PGAP1: variants seen among roughly 807,000 people sequenced by gnomAD.
PGAP1 encodes the protein GPI inositol-deacylase.
Under a neutral mutation model 127.0 loss-of-function variants are expected in PGAP1, and 76 were observed. The ratio of observed to expected loss-of-function variants is 0.60; its 90% CI spans 0.50 to 0.72. PGAP1 has a LOEUF of 0.72. Among genes scored for constraint, PGAP1 ranks in the 30% least tolerant of loss-of-function variants. The pLI is 0.00. For synonymous variants in PGAP1, 362 were observed against 366.5 expected (o/e 0.99, Z 0.14); for missense variants, 982 against 1,071.3 (o/e 0.92, Z 1.16).
chr2:196,926,137 G>C (rs544452201), intron 1 of PGAP1, among the ~76,000 whole-genome samples: 32 of 152,254 alleles, frequency 2.1e-4, no homozygotes, highest in Admixed American at 1.2e-3. Flanking sequence ...TGGGCATGAG[G>C]GGGGCTGGGC....
chr2:196,913,085 G>C (rs752131470), intron 3 of PGAP1, 32 bp from the exon 4 acceptor site: 1 of 1,553,960 alleles, frequency 6.4e-7, no homozygotes, highest in Non-Finnish European at 8.7e-7. Flanking sequence ...TCATAATTGC[G>C]GCTTTGTATC....
rs1020507084 is a variant in PGAP1, at chr2:196,833,729, A to C, written c.*7505T>G. The C allele has an allele frequency of 3.3e-5, 5 of 152,240 alleles. 1 individual carries two copies. Among genetic ancestry groups the C allele is most frequent in the South Asian group, 2.1e-4 (1 of 4,824 alleles). The allele number at this position is 152,240 out of a possible 1,614,324, so 9.4% of individuals were successfully genotyped here. ...GTGTTGAGTTTACTTTCAAAATTGA[A>C]ATTGAAAAATATACAACAACTGTGA... is the stretch of plus-strand genomic sequence containing the variant. On this transcript the variant is annotated 3_prime_UTR_variant, in exon 27 of 27. Transcript: ENST00000354764.
At chr2:196,871,955 G>C (rs953919470) in intron 18 of PGAP1, among the ~76,000 whole-genome samples, 7 of 152,054 alleles carry the variant, frequency 4.6e-5, no homozygotes, top group African/African-American at 1.7e-4. Context: ...AACACAAAGA[G>C]ATGTACTTTG....
intron 10 of PGAP1, among the ~76,000 whole-genome samples, chr2:196,889,970 G>GTCACCCAGGCTGGAGCGC (rs1702045614): frequency 2.7e-5 from 4 of 150,392 alleles, no homozygotes; most frequent in Non-Finnish European, 5.9e-5. Context: ...GCCTCACTTC[G>GTCACCCAGGCTGGAGCGC]TCACCCAGGC....
At chr2:196,873,102 CTAAT>C (rs1701458141) in intron 16 of PGAP1, 76 bp from the exon 17 acceptor site, 2 of 528,722 alleles carry the variant, frequency 3.8e-6, no homozygotes, top group African/African-American at 4.1e-5. Flanking sequence ...TAATATCTAA[CTAAT>C]TATACAATTG....
At chr2:196,915,077 C>T (rs934788205) in intron 3 of PGAP1, among the ~76,000 whole-genome samples, 2 of 152,188 alleles carry the variant, frequency 1.3e-5, no homozygotes, top group Non-Finnish European at 2.9e-5. Context: ...CTATCAGTAA[C>T]ATTTGACACA....
intron 26 of PGAP1, among the ~76,000 whole-genome samples, chr2:196,841,864 A>G (rs969340143): frequency 2.6e-5 from 4 of 152,230 alleles, no homozygotes; most frequent in Non-Finnish European, 4.4e-5. Flanking sequence ...ATACTTGGCT[A>G]GAAAAGAAAA....
intron 5 of PGAP1, among the ~76,000 whole-genome samples, chr2:196,902,153 C>T (rs1702515605): frequency 1.3e-5 from 2 of 152,046 alleles, no homozygotes; most frequent in East Asian, 3.9e-4. Flanking sequence ...CTGAGTAGCT[C>T]GGACTATAGG....
chr2:196,857,967 G>A (rs10931758), intron 20 of PGAP1, among the ~76,000 whole-genome samples: 38,671 of 151,988 alleles, frequency 0.25, 6,086 homozygotes, highest in African/African-American at 0.45. Context: ...TCCCACTGCA[G>A]TGCCCTATTA....
intron 1 of PGAP1, among the ~76,000 whole-genome samples, chr2:196,924,809 T>C (rs1404774955): frequency 6.6e-6 from 1 of 152,206 alleles, no homozygotes; most frequent in African/African-American, 2.4e-5. Flanking sequence ...GAGATCCATA[T>C]GCTTTGTTCC....
Position 196,839,563 on chromosome 2 carries a change from A to G in PGAP1, c.*1671T>C, listed in dbSNP as rs1158287253. The G allele has an allele frequency of 6.6e-6, 1 of 152,254 alleles. No homozygotes were observed. Among genetic ancestry groups the G allele is most frequent in the African/African-American group, 2.4e-5 (1 of 41,464 alleles). The allele number at this position is 152,254 out of a possible 1,614,324, so 9.4% of individuals were successfully genotyped here. On this transcript the variant is annotated 3_prime_UTR_variant, in exon 27 of 27. Transcript: ENST00000354764. The stretch of plus-strand genomic sequence containing the variant: ...CCTTTAATGTTCTCAGTAAGTTAAA[A>G]TATGAATACTGAAAAACATGCTCAA...
intron 9 of PGAP1, among the ~76,000 whole-genome samples, chr2:196,891,717 GAATT>G (rs1702105999): frequency 6.6e-6 from 1 of 151,998 alleles, no homozygotes; most frequent in African/African-American, 2.4e-5. Context: ...TAAGTATATA[GAATT>G]AACTAGAATA....
intron 5 of PGAP1, 91 bp from the exon 6 acceptor site, chr2:196,898,460 C>G: frequency 1.2e-6 from 1 of 830,150 alleles, no homozygotes; most frequent in South Asian, 1.6e-5. Context: ...TTTAGAAACA[C>G]ATAATATAGT....
At chr2:196,887,167 A>G (rs62185187) in intron 10 of PGAP1, among the ~76,000 whole-genome samples, 40,507 of 151,972 alleles carry the variant, frequency 0.27, 6,493 homozygotes, top group African/African-American at 0.45. Flanking sequence ...GGCGGATCAC[A>G]ACATCAGGAG....
At chr2:196,870,897 T>A in intron 19 of PGAP1, 44 bp downstream of exon 19, 9 of 1,527,554 alleles carry the variant, frequency 5.9e-6, no homozygotes, top group Non-Finnish European at 8.1e-6. Context: ...GAGTTATCTA[T>A]TCATAAAGCA....
intron 5 of PGAP1, among the ~76,000 whole-genome samples, chr2:196,902,369 C>T (rs1198540682): frequency 6.6e-6 from 1 of 151,940 alleles, no homozygotes; most frequent in South Asian, 2.1e-4. Context: ...CATAAGCATC[C>T]ACAATTCTGC....
At chr2:196,873,100 A>G (rs1701458055) in intron 16 of PGAP1, 74 bp from the exon 17 acceptor site, 1 of 537,918 alleles carries the variant, frequency 1.9e-6, no homozygotes, top group South Asian at 2.9e-5. Flanking sequence ...TATAATATCT[A>G]ACTAATTATA....
intron 20 of PGAP1, among the ~76,000 whole-genome samples, chr2:196,857,565 A>G (rs1700926272): frequency 6.6e-6 from 1 of 152,236 alleles, no homozygotes. Context: ...TTTTGGAGAA[A>G]TATCTTAATC....
chr2:196,922,641 T>A, intron 1 of PGAP1: 4 of 512,872 alleles, frequency 7.8e-6, no homozygotes, highest in Non-Finnish European at 7.5e-6. Context: ...AGAGACATCC[T>A]TTAAAATCTG....
Sources: gnomAD v4.1 joint callset for allele counts (sites outside exome capture counted in the v4.1 genomes callset) on GRCh38, gnomAD v4.1.1 for gene constraint, MANE v1.5 for transcripts, NCBI Gene and HGNC (gene_info 2026-07-23, HGNC 2026-07-21) for gene names.